Variants in HEXB observed in about 807,000 individuals in gnomAD.
HEXB encodes the protein hexosaminidase subunit beta.
A neutral mutation model predicts 71.2 loss-of-function variants in HEXB; 51 were observed. The ratio of observed to expected loss-of-function variants is 0.72; its 90% CI spans 0.57 to 0.90. The LOEUF is 0.90. HEXB is among the 40% of genes least tolerant of loss of function. HEXB has a pLI of 0.00. For missense variants in HEXB, 617 were observed against 677.0 expected, an observed-to-expected ratio of 0.91 and a Z score of 0.98; for synonymous variants, 266 against 249.3, an observed-to-expected ratio of 1.07 and a Z score of -0.63.
chr5:74,673,894 T>A (rs777909484), intron 1 of HEXB, among the ~76,000 whole-genome samples: 1 of 152,216 alleles, frequency 6.6e-6, no homozygotes, highest in Admixed American at 6.5e-5. Flanking sequence ...CTCGATACTC[T>A]GTAATTAGTT....
At chr5:74,692,350 A>G (rs1324892140) in intron 2 of HEXB, among the ~76,000 whole-genome samples, 1 of 151,692 alleles carries the variant, frequency 6.6e-6, no homozygotes, top group Non-Finnish European at 1.5e-5. Context: ...AAAAAAAAAA[A>G]AAGAAAGAGA....
At chr5:74,684,821 G>A (rs62368216), upstream of HEXB, among the ~76,000 whole-genome samples, 1,532 of 152,052 alleles carry the variant, frequency 0.01, 17 homozygotes, top group Non-Finnish European at 0.015. Flanking sequence ...GGGACTACAG[G>A]CACCCGCCAT....
intron 1 of HEXB, among the ~76,000 whole-genome samples, chr5:74,666,611 C>A (rs939704830): frequency 1.3e-5 from 2 of 152,200 alleles, no homozygotes; most frequent in African/African-American, 4.8e-5. Flanking sequence ...CCCTAAGAGG[C>A]CCTGCCCACA....
intron 5 of HEXB, among the ~76,000 whole-genome samples, chr5:74,699,207 T>C (rs1749191267): frequency 6.6e-6 from 1 of 151,888 alleles, no homozygotes; most frequent in South Asian, 2.1e-4. Flanking sequence ...AAAATGAATA[T>C]ATTAACATAT....
At position 74,654,395 on chromosome 5, in the gene HEXB, C is replaced by T. The variant is rs184979933; in HGVS notation, c.-377+13837C>T. On this transcript the variant is annotated intron_variant, in intron 1 of 13. Coordinates refer to the HEXB transcript ENST00000511181. ...ACTTGAGTCCAGAGGCCTGACAAGA[C>T]GCAGCATTGCAGAAGATGGCTGTAA... is the stretch of plus-strand genomic sequence containing the variant. 2.6e-5 allele frequency among the ~76,000 whole-genome samples: 4 copies of T among 152,192 alleles called. No homozygotes were observed. In the East Asian group the frequency reaches 7.7e-4, roughly 29 times the overall value.
chr5:74,675,162 A>G (rs1748608690), intron 1 of HEXB, among the ~76,000 whole-genome samples: 1 of 152,194 alleles, frequency 6.6e-6, no homozygotes, highest in African/African-American at 2.4e-5. Flanking sequence ...GTGGATGGCA[A>G]TTTATTAAAA....
Position 74,644,764 on chromosome 5 carries a change from CTTTTTTTTT to C in HEXB, c.-377+4223_-377+4231del, listed in dbSNP as rs3058406. Among the ~76,000 whole-genome samples, 6 of 72,952 alleles carry C rather than the reference CTTTTTTTTT, an allele frequency of 8.2e-5. No individual in the cohort carries two copies. The East Asian group carries it at 2.4e-3, about 29-fold the overall frequency. 47.9% of individuals were successfully genotyped at this position (72,952 alleles called of 152,430 possible). A position where few individuals can be genotyped will look rare whatever the true frequency, so the allele number is the denominator to read the frequency against. On this transcript the variant is annotated intron_variant, in intron 1 of 13. Coordinates refer to the HEXB transcript ENST00000511181. ...GAGAGTATTCTTCCTCTTTTTTTTC[CTTTTTTTTT>C]TTTTTTTTTTTTTTTTGAGACAGAG...
rs1331579825 is a variant in HEXB, at chr5:74,641,384, TCC to T, written c.-377+829_-377+830del. The T allele has an allele frequency of 3.9e-5, 6 of 152,244 alleles. No homozygotes were observed. Among genetic ancestry groups the T allele is most frequent in the Non-Finnish European group, 8.8e-5 (6 of 68,114 alleles). 9.4% of individuals were successfully genotyped at this position (152,244 alleles called of 1,614,324 possible). ...CCAGGCATTTCCTATGTGTCCTCCC[TCC>T]CCACTCCCCAGTGGGTGCGGCACCC... On this transcript the variant is annotated intron_variant, in intron 1 of 13. Transcript: ENST00000511181. This position sits in a 1 kb window ranked among gnomAD's most constrained non-coding sequence, Gnocchi z 4.1.
chr5:74,640,611 GCGCT>G (rs914621701), intron 1 of HEXB: 2 of 152,414 alleles, frequency 1.3e-5, no homozygotes, highest in Non-Finnish European at 2.9e-5. Flanking sequence ...GGCGGGCTGT[GCGCT>G]CGGGGGAGGG....
At chr5:74,682,536 G>A (rs1200487046), upstream of HEXB, among the ~76,000 whole-genome samples, 2 of 152,178 alleles carry the variant, frequency 1.3e-5, no homozygotes, top group Non-Finnish European at 2.9e-5. Context: ...TTTATCTGTT[G>A]TTGTTTTAAG....
At chr5:74,705,486 CTTTT>C (rs990155989) in intron 6 of HEXB, 166 bp downstream of exon 6, 3 of 617,540 alleles carry the variant, frequency 4.9e-6, no homozygotes, top group Non-Finnish European at 8.6e-6. Flanking sequence ...ATCCATAAAA[CTTTT>C]TTTGTTATTG....
At chr5:74,667,673 T>G (rs1299834902) in intron 1 of HEXB, among the ~76,000 whole-genome samples, 1 of 152,194 alleles carries the variant, frequency 6.6e-6, no homozygotes, top group East Asian at 1.9e-4. Flanking sequence ...CTGGGTTTGC[T>G]TGTATGAGGG....
At position 74,708,390 on chromosome 5, in the gene HEXB, C is replaced by G. The variant is rs890627235; in HGVS notation, c.771+3070C>G. On this transcript the variant is annotated intron_variant, in intron 6 of 13. Transcript: ENST00000261416. ...GGAAGAAACTGCATCAACTAACAAGCAAAATAACCAGCTAACATCATAATG... is the reference window on the plus strand; with the variant it reads ...GGAAGAAACTGCATCAACTAACAAGGAAAATAACCAGCTAACATCATAATG... Among the ~76,000 whole-genome samples the G allele has an allele frequency of 4.0e-5, 6 of 148,174 alleles. 1 individual carries two copies. The South Asian group carries it at 8.9e-4, about 22-fold the overall frequency.
chr5:74,668,208 T>A (rs1748469320), intron 1 of HEXB, among the ~76,000 whole-genome samples: 1 of 117,682 alleles, frequency 8.5e-6, no homozygotes, highest in South Asian at 2.7e-4. Context: ...TATTTTATTT[T>A]GTTTTTTTGT....
rs1748147714 is a variant in HEXB at position 74,652,922 on chromosome 5, T to C, written c.-377+12364T>C. The stretch of plus-strand genomic sequence containing the variant: ...TGACACATATCCCTTTATATACCAG[T>C]CATTTTTAATGCCCTCTTTGCTTTA... On this transcript the variant is annotated intron_variant, in intron 1 of 13. Transcript: ENST00000511181. This position sits in a 1 kb window ranked among gnomAD's most constrained non-coding sequence, Gnocchi z 5.4. Among the ~76,000 whole-genome samples the C allele has an allele frequency of 3.3e-5, 5 of 152,312 alleles. No homozygotes were observed. The highest frequency in any genetic ancestry group is 3.3e-4 in the Admixed American group (5 of 15,292).
In HEXB at chr5:74,696,566, A is replaced by G. The variant is rs1444464758; in HGVS notation, c.512-127A>G. 6.9e-5 allele frequency: 43 copies of G among 619,676 alleles called. 1 individual carries two copies. Among genetic ancestry groups the G allele is most frequent in the Non-Finnish European group, 1.3e-4 (43 of 342,386 alleles). 38.4% of individuals were successfully genotyped at this position (619,676 alleles called of 1,614,324 possible). ...TAGGTATAACAATATATTTTAGAGG[A>G]TAGAGGTATAACACTATATTCAATT... is the stretch of plus-strand genomic sequence containing the variant. On this transcript the variant is annotated intron_variant, in intron 3 of 13. Coordinates refer to ENST00000261416, the MANE Select transcript of HEXB (RefSeq NM_000521.4).
chr5:74,697,727 CAAAAAAAAAAA>C (rs34363294), intron 5 of HEXB, among the ~76,000 whole-genome samples: 5 of 110,452 alleles, frequency 4.5e-5, no homozygotes, highest in African/African-American at 1.8e-4. Flanking sequence ...GACTCTGTCT[CAAAAAAAAAAA>C]AAAAAAAAGG....
upstream of HEXB, among the ~76,000 whole-genome samples, chr5:74,684,833 A>G (rs1232371080): frequency 2.6e-5 from 4 of 151,870 alleles, no homozygotes; most frequent in South Asian, 8.3e-4. Flanking sequence ...ACCCGCCATC[A>G]TGCTCGGCTA....
intron 1 of HEXB, among the ~76,000 whole-genome samples, chr5:74,676,597 C>T (rs886762969): frequency 7.9e-5 from 12 of 152,128 alleles, no homozygotes; most frequent in Admixed American, 6.5e-5. Flanking sequence ...GAAACCCTGA[C>T]TGTAGTAAAA....
Sources: allele counts gnomAD v4.1 joint callset (sites outside exome capture counted in the v4.1 genomes callset), GRCh38; gene constraint gnomAD v4.1.1; non-coding constraint Gnocchi (gnomAD v3.1); transcripts MANE v1.5; gene names NCBI Gene and HGNC (gene_info 2026-07-23, HGNC 2026-07-21).